Variants in RANBP2 observed in about 807,000 individuals in gnomAD.
RANBP2 encodes the protein E3 SUMO-protein ligase RanBP2.
Under a neutral mutation model 303.6 loss-of-function variants are expected in RANBP2, and 57 were observed. The observed-to-expected ratio is 0.19, with a 90% CI of 0.15 to 0.23. The LOEUF (loss-of-function observed/expected upper bound fraction) is 0.23. RANBP2 is among the 10% of genes least tolerant of loss of function. RANBP2 has a pLI of 1.00. For synonymous variants in RANBP2, 1,167 were observed against 1,301.5 expected (o/e 0.90, Z 2.23); for missense variants, 3,138 against 3,780.8 (o/e 0.83, Z 4.46).
chr2:109,236,594 G>T, the RANBP2 span, among the ~76,000 whole-genome samples: 1 of 152,162 alleles, frequency 6.6e-6, no homozygotes, highest in African/African-American at 2.4e-5. Flanking sequence ...GCTTTATTTT[G>T]TTGAGAAACA....
At chr2:108,981,220 G>A in the RANBP2 span, among the ~76,000 whole-genome samples, 3 of 152,178 alleles carry the variant, frequency 2.0e-5, no homozygotes, top group Non-Finnish European at 4.4e-5. Context: ...AGCACGGGAA[G>A]GGGCTGGCTC....
the RANBP2 span, among the ~76,000 whole-genome samples, chr2:108,905,760 T>C: frequency 6.6e-6 from 1 of 152,286 alleles, no homozygotes; most frequent in South Asian, 2.1e-4. Context: ...TGATTTCAGA[T>C]TGCAGCACTG....
the RANBP2 span, among the ~76,000 whole-genome samples, chr2:109,304,118 G>A: frequency 1.3e-5 from 2 of 151,016 alleles, no homozygotes; most frequent in South Asian, 2.1e-4. Flanking sequence ...AAAAAAGAAA[G>A]ATCTACTCTG....
chr2:109,719,882 C>G, the RANBP2 span, among the ~76,000 whole-genome samples: 3 of 152,068 alleles, frequency 2.0e-5, no homozygotes, highest in Non-Finnish European at 2.9e-5. Context: ...ATTCTTTAAG[C>G]AAAAATTCAT....
chr2:109,760,443 G>A, the RANBP2 span: 19 of 970,022 alleles, frequency 2.0e-5, no homozygotes, highest in Non-Finnish European at 2.2e-5. Context: ...AGGGCCGGGG[G>A]CGGCGGCGGC....
chr2:109,540,168 T>C, the RANBP2 span, among the ~76,000 whole-genome samples: 1 of 152,216 alleles, frequency 6.6e-6, no homozygotes, highest in Non-Finnish European at 1.5e-5. Flanking sequence ...CTTTCATTCC[T>C]TTAAAAGGTA....
chr2:109,709,271 G>A, the RANBP2 span, among the ~76,000 whole-genome samples: 25,063 of 144,270 alleles, frequency 0.17, 2,818 homozygotes, highest in East Asian at 0.31. Flanking sequence ...GCACCATTGC[G>A]CTCCAGCCTG....
the RANBP2 span, among the ~76,000 whole-genome samples, chr2:109,358,975 T>G: frequency 6.6e-6 from 1 of 152,134 alleles, no homozygotes; most frequent in African/African-American, 2.4e-5. Flanking sequence ...GTGGAATGTT[T>G]ATTTCTAGAT....
the RANBP2 span, among the ~76,000 whole-genome samples, chr2:109,147,418 T>C: frequency 6.6e-6 from 1 of 152,244 alleles, no homozygotes; most frequent in Non-Finnish European, 1.5e-5. Context: ...GCAGCTTCAG[T>C]ATGCTGTTTG....
the RANBP2 span, chr2:109,545,708 C>T: frequency 1.4e-6 from 2 of 1,454,754 alleles, no homozygotes; most frequent in South Asian, 1.5e-5. Context: ...GGTAGGTCAG[C>T]AGCCATTAGC....
At chr2:109,441,503 C>T in the RANBP2 span, among the ~76,000 whole-genome samples, 6 of 152,086 alleles carry the variant, frequency 3.9e-5, no homozygotes, top group Admixed American at 3.9e-4. Context: ...GAAAGTGGAA[C>T]ACAGAGATAA....
the RANBP2 span, among the ~76,000 whole-genome samples, chr2:109,363,540 C>CT: frequency 1.3e-5 from 2 of 152,092 alleles, no homozygotes; most frequent in African/African-American, 4.8e-5. Flanking sequence ...AGTTTACTGC[C>CT]ATTCCTTCTC....
chr2:108,750,466 T>C (rs559766591), intron 9 of RANBP2, among the ~76,000 whole-genome samples: 25 of 152,226 alleles, frequency 1.6e-4, no homozygotes, highest in Non-Finnish European at 3.2e-4. Context: ...AAAACAGAAT[T>C]AGAGACAAAG....
the RANBP2 span, among the ~76,000 whole-genome samples, chr2:109,427,746 C>T: frequency 4.6e-5 from 7 of 152,230 alleles, no homozygotes; most frequent in South Asian, 2.1e-4. Context: ...CATCTCAACC[C>T]GCGTAACTGC....
the RANBP2 span, among the ~76,000 whole-genome samples, chr2:109,254,620 T>C: frequency 6.6e-6 from 1 of 152,184 alleles, no homozygotes; most frequent in Admixed American, 6.5e-5. Flanking sequence ...CGTGAGAAGG[T>C]TGGTCAAATA....
chr2:109,516,271 A>G, the RANBP2 span, among the ~76,000 whole-genome samples: 1 of 152,188 alleles, frequency 6.6e-6, no homozygotes, highest in Non-Finnish European at 1.5e-5. Flanking sequence ...CCCTGTGCCC[A>G]GGGCCTGGGG....
At chr2:109,088,242 C>A in the RANBP2 span, among the ~76,000 whole-genome samples, 48 of 151,882 alleles carry the variant, frequency 3.2e-4, no homozygotes, top group Non-Finnish European at 5.6e-4. Context: ...ACTAAAAATA[C>A]AAAAATTAGC....
chr2:109,466,879 G>A, the RANBP2 span, among the ~76,000 whole-genome samples: 6 of 152,148 alleles, frequency 3.9e-5, no homozygotes, highest in Non-Finnish European at 5.9e-5. Flanking sequence ...ATATGTTTGT[G>A]TGTATATGTG....
chr2:109,140,231 G>A, the RANBP2 span, among the ~76,000 whole-genome samples: 5 of 152,190 alleles, frequency 3.3e-5, no homozygotes, highest in African/African-American at 9.7e-5. Flanking sequence ...TGTGGTTGAC[G>A]CACGTGTTTG....
Sources: gnomAD v4.1 joint callset for allele counts (sites outside exome capture counted in the v4.1 genomes callset) on GRCh38, gnomAD v4.1.1 for gene constraint, MANE v1.5 for transcripts, NCBI Gene and HGNC (gene_info 2026-07-23, HGNC 2026-07-21) for gene names.